Variants in ECI1 observed in about 807,000 individuals in gnomAD.
ECI1 encodes enoyl-CoA delta isomerase 1.
ECI1 carries 34 observed loss-of-function variants against 34.2 expected under a neutral mutation model. The observed-to-expected ratio is 1.00, with a 90% CI of 0.76 to 1.33. The LOEUF is 1.33. Among genes scored for constraint, ECI1 ranks in the 40% most tolerant of loss-of-function variants. ECI1 has a pLI of 0.00. For synonymous variants in ECI1, 211 were observed against 193.0 expected (o/e 1.09, Z -0.77); for missense variants, 456 against 422.2 (o/e 1.08, Z -0.70).
chr16:2,248,667 G>T (rs1170067803), intron 2 of ECI1, among the ~76,000 whole-genome samples: 1 of 152,146 alleles, frequency 6.6e-6, no homozygotes, highest in East Asian at 1.9e-4. Context: ...TCCTGCCTCG[G>T]CCTCCCAAAG....
rs1430283753 is a variant in ECI1 at position 2,239,901 on chromosome 16, G to A, written c.*78C>T. ...AATGAAACGCTGGCAGTACTTTTAA[G>A]TTGAAAAATACCTTGTTTAAGACCT... On this transcript the variant is annotated 3_prime_UTR_variant, in exon 7 of 7. Coordinates refer to ENST00000301729, the MANE Select transcript of ECI1 (RefSeq NM_001919.4). 18 of 1,477,232 alleles carry A rather than the reference G, an allele frequency of 1.2e-5. No individual in the cohort carries two copies. Among genetic ancestry groups the A allele is most frequent in the Non-Finnish European group, 1.7e-5 (18 of 1,057,132 alleles). 91.5% of individuals were successfully genotyped at this position (1,477,232 alleles called of 1,614,324 possible).
At chr16:2,244,000 C>A (rs2141499462) in intron 4 of ECI1, 1 of 341,952 alleles carries the variant, frequency 2.9e-6, no homozygotes, top group Admixed American at 4.1e-5. Context: ...CTTGTCACAG[C>A]CACCCCGCAG....
chr16:2,247,957 C>T lies in ECI1; in HGVS notation c.167-971G>A, dbSNP rs2093544112. On this transcript the variant is annotated intron_variant, in intron 2 of 6. Transcript: ENST00000301729. Reference sequence around the variant, plus strand: ...CTCCTGAGCTTAAGTGGTCCTTCTGCCTCAGGCTCCCAAAGTGCTAGATTA... The same window carrying T: ...CTCCTGAGCTTAAGTGGTCCTTCTGTCTCAGGCTCCCAAAGTGCTAGATTA... Among the ~76,000 whole-genome samples the T allele has an allele frequency of 2.0e-5, 3 of 152,170 alleles. No homozygotes were observed. In the South Asian group the frequency reaches 6.2e-4, roughly 31 times the overall value.
At chr16:2,244,829 A>C (rs1042454657) in intron 3 of ECI1, among the ~76,000 whole-genome samples, 1 of 152,202 alleles carries the variant, frequency 6.6e-6, no homozygotes, top group Non-Finnish European at 1.5e-5. Flanking sequence ...TCAGGGACAT[A>C]AGTGCGCCGG....
chr16:2,244,848 C>T (rs2093536665), intron 3 of ECI1, among the ~76,000 whole-genome samples: 2 of 152,242 alleles, frequency 1.3e-5, no homozygotes, highest in African/African-American at 4.8e-5. Context: ...GGCCCTCTGG[C>T]TCTGCACGCC....
Position 2,240,125 on chromosome 16 carries a change from T to C in ECI1, c.763A>G (p.Lys255Glu), listed in dbSNP as rs1242066396. ...GCCGTGGCCTTTCGCATCATGGCCTTGGTCAGCTGTCGAGCATGGTCTAAA... is the reference window on the plus strand; with the variant it reads ...GCCGTGGCCTTTCGCATCATGGCCTCGGTCAGCTGTCGAGCATGGTCTAAA... Reference protein sequence around the residue: ...AIPDHARQLTKAMMRKATASR... With the variant: ...AIPDHARQLTEAMMRKATASR... The change falls in exon 7 of 7, where the codon AAG (lysine) becomes GAG (glutamate). Residue 255 changes from lysine to glutamate, a missense_variant. Lys to Glu is a moderately conservative substitution (Grantham distance 56). Coordinates refer to ENST00000301729, the MANE Select transcript of ECI1 (RefSeq NM_001919.4). 1 of 1,613,724 alleles carries C rather than the reference T, an allele frequency of 6.2e-7. No individual in the cohort carries two copies. Among genetic ancestry groups the C allele is most frequent in the Non-Finnish European group, 8.5e-7 (1 of 1,180,040 alleles).
intron 3 of ECI1, among the ~76,000 whole-genome samples, chr16:2,245,764 G>C (rs1331945966): frequency 6.6e-6 from 1 of 152,170 alleles, no homozygotes; most frequent in Non-Finnish European, 1.5e-5. Flanking sequence ...TGTAATCCTA[G>C]CACACTGGGG....
intron 3 of ECI1, among the ~76,000 whole-genome samples, chr16:2,244,764 C>T (rs1263033073): frequency 1.3e-5 from 2 of 152,220 alleles, no homozygotes; most frequent in African/African-American, 4.8e-5. Context: ...CCAGAACATT[C>T]TTCCCTTTCC....
rs764224970 is a variant in ECI1 at position 2,243,071 on chromosome 16, C to T, written c.717G>A (p.Ala239=). 1.6e-5 allele frequency: 26 copies of T among 1,604,102 alleles called. No homozygotes were observed. Among genetic ancestry groups the T allele is most frequent in the Middle Eastern group, 4.0e-4 (2 of 5,026 alleles). The part of the protein sequence containing the change: ...EEQVQSTALS[A]IAQWMAIPDH... ...CTGGAATGGCCATCCACTGGGCTAT[C>T]GCTGACAGCGCAGTGCTCTGCACCT... Residue 239 remains alanine, a synonymous_variant, in exon 6 of 7, where the codon GCG becomes GCA. Transcript: ENST00000301729.
chr16:2,249,096 A>G (rs1269531933), intron 2 of ECI1, among the ~76,000 whole-genome samples: 1 of 151,982 alleles, frequency 6.6e-6, no homozygotes, highest in African/African-American at 2.4e-5. Flanking sequence ...CCCAGGCTGG[A>G]GTGCAGTGGC....
intron 2 of ECI1, among the ~76,000 whole-genome samples, chr16:2,249,198 A>G (rs2093547078): frequency 1.3e-5 from 2 of 151,724 alleles, no homozygotes; most frequent in Non-Finnish European, 1.5e-5. Flanking sequence ...GGTGCCCGCC[A>G]CCACGCCCGG....
intron 2 of ECI1, among the ~76,000 whole-genome samples, chr16:2,248,069 C>G (rs895232868): frequency 2.0e-5 from 3 of 152,030 alleles, no homozygotes; most frequent in African/African-American, 7.2e-5. Flanking sequence ...AAACTGCATG[C>G]TTTTTAAATC....
At chr16:2,245,948 G>C (rs1402551677) in intron 3 of ECI1, among the ~76,000 whole-genome samples, 1 of 152,176 alleles carries the variant, frequency 6.6e-6, no homozygotes, top group Non-Finnish European at 1.5e-5. Flanking sequence ...CTGGGCAAGA[G>C]AGGGAGATTC....
In ECI1 at chr16:2,239,409, G is replaced by A. The variant is rs969477435; in HGVS notation, c.*570C>T. The A allele has an allele frequency of 1.2e-5, 2 of 161,552 alleles. No individual in the cohort carries two copies. Among genetic ancestry groups the A allele is most frequent in the Admixed American group, 1.2e-4 (2 of 17,330 alleles). 10.0% of individuals were successfully genotyped at this position (161,552 alleles called of 1,614,324 possible). ...AAACCTTTGTTTCAAGGGTTTGGATGAGTTTGGTTCTTGCAAAATCCTTCT... is the reference window on the plus strand; with the variant it reads ...AAACCTTTGTTTCAAGGGTTTGGATAAGTTTGGTTCTTGCAAAATCCTTCT... On this transcript the variant is annotated 3_prime_UTR_variant, in exon 7 of 7. Coordinates refer to ENST00000301729, the MANE Select transcript of ECI1 (RefSeq NM_001919.4).
chr16:2,250,208 G>A (rs1244017950), intron 2 of ECI1, among the ~76,000 whole-genome samples: 2 of 144,238 alleles, frequency 1.4e-5, no homozygotes, highest in Non-Finnish European at 3.0e-5. Flanking sequence ...GCAGTGATCG[G>A]AGATTGCGCC....
chr16:2,244,920 C>T (rs951020792), intron 3 of ECI1, among the ~76,000 whole-genome samples: 17 of 152,190 alleles, frequency 1.1e-4, no homozygotes, highest in African/African-American at 2.9e-4. Context: ...AGGAGCTGCA[C>T]GTTCTGAATC....
At chr16:2,246,055 A>G (rs1199881430) in intron 3 of ECI1, among the ~76,000 whole-genome samples, 4 of 152,094 alleles carry the variant, frequency 2.6e-5, no homozygotes, top group African/African-American at 7.2e-5. Context: ...CAGGCCCTGT[A>G]AAGCCACGCC....
In ECI1 at chr16:2,240,035, A is replaced by G; in HGVS notation, c.853T>C (p.Ser285Pro). 6.2e-7 allele frequency: 1 copy of G among 1,613,878 alleles called. No homozygotes were observed. The highest frequency in any genetic ancestry group is 8.5e-7 in the Non-Finnish European group (1 of 1,179,984). Residue 285 changes from serine (S) to proline (P), a missense_variant, in exon 7 of 7, where the codon TCC (serine) becomes CCC (proline). By Grantham distance (74) the Ser-to-Pro change is moderately conservative. Coordinates refer to ENST00000301729, the MANE Select transcript of ECI1 (RefSeq NM_001919.4). The stretch of plus-strand genomic sequence containing the variant: ...TACATCTGCAGGGACTTCTGGATGG[A>G]GTCTTTGGAGATGAAGCTGACGAAG... The part of the protein sequence containing the change: ...QNFVSFISKD[S>P]IQKSLQMYLE...
At chr16:2,244,051 G>A (rs1032323619) in intron 4 of ECI1, 8 of 375,542 alleles carry the variant, frequency 2.1e-5, no homozygotes, top group South Asian at 1.1e-4. Flanking sequence ...TGTTGTTCTC[G>A]GCTTCCCTGG....
Sources: gnomAD v4.1 joint callset for allele counts (sites outside exome capture counted in the v4.1 genomes callset) on GRCh38, gnomAD v4.1.1 for gene constraint, MANE v1.5 for transcripts, NCBI Gene and HGNC (gene_info 2026-07-23, HGNC 2026-07-21) for gene names.